Variants in CEACAM18 observed in about 807,000 individuals in gnomAD.
CEACAM18 encodes the protein CEA cell adhesion molecule 18.
A neutral mutation model predicts 34.3 loss-of-function variants in CEACAM18; 33 were observed. The observed-to-expected ratio is 0.96, with a 90% CI of 0.73 to 1.29. The LOEUF (loss-of-function observed/expected upper bound fraction) is 1.29. CEACAM18 is among the 50% of genes most tolerant of loss of function. The pLI, the probability that CEACAM18 is intolerant of heterozygous loss-of-function variation, is 0.00. For synonymous variants in CEACAM18, 169 were observed against 180.9 expected (o/e 0.93, Z 0.53); for missense variants, 474 against 485.0 (o/e 0.98, Z 0.21).
At chr19:51,481,536 A>G in exon 3 of CEACAM18, 1 of 1,614,038 alleles carries the variant, frequency 6.2e-7, no homozygotes, top group Non-Finnish European at 8.5e-7. Context: ...TGACCGGATG[A>G]CAATTTCCCC....
At position 51,478,711 on chromosome 19, in the gene CEACAM18, G is replaced by A. The variant is rs75818312; in HGVS notation, c.52+17G>A. Reference sequence around the variant, plus strand: ...TCCTCATGGGTAAGAGATGCTGGATGCTGGATGAGCTTCCCAGGACTGAGG... The same window carrying A: ...TCCTCATGGGTAAGAGATGCTGGATACTGGATGAGCTTCCCAGGACTGAGG... On this transcript the variant is annotated intron_variant, in intron 1 of 5. Transcript: ENST00000396477. The A allele has an allele frequency of 0.078, 110,353 of 1,417,464 alleles. 4,775 individuals carry two copies. Among genetic ancestry groups the A allele is most frequent in the South Asian group, 0.12 (7,448 of 61,220 alleles). 87.8% of individuals were successfully genotyped at this position (1,417,464 alleles called of 1,614,324 possible). A position where few individuals can be genotyped will look rare whatever the true frequency, so the allele number is the denominator to read the frequency against.
At chr19:51,481,900 T>G (rs1989923243) in intron 3 of CEACAM18, among the ~76,000 whole-genome samples, 1 of 152,180 alleles carries the variant, frequency 6.6e-6, no homozygotes, top group East Asian at 1.9e-4. Context: ...CAGTCCCCAC[T>G]TCTCAGATTA....
chr19:51,481,487 CA>C lies in CEACAM18; in HGVS notation c.496del (p.Ile166SerfsTer5). The C allele has an allele frequency of 6.2e-7, 1 of 1,614,030 alleles. No homozygotes were observed. The highest frequency in any genetic ancestry group is 8.5e-7 in the Non-Finnish European group (1 of 1,179,886). On this transcript the variant is annotated frameshift_variant, in exon 3 of 6. Coordinates refer to ENST00000396477, the Ensembl canonical transcript of CEACAM18. LOFTEE classifies it high-confidence loss of function. ...CTGACTGCCTCACAAATGTCACCAACATCACGTGGTATGTGAATGATGTGCC... is the reference window on the plus strand; with the variant it reads ...CTGACTGCCTCACAAATGTCACCAACTCACGTGGTATGTGAATGATGTGCC...
intron 5 of CEACAM18, among the ~76,000 whole-genome samples, chr19:51,489,041 C>G (rs1434291461): frequency 6.6e-6 from 1 of 151,388 alleles, no homozygotes; most frequent in Non-Finnish European, 1.5e-5. Context: ...GATCCTGCTT[C>G]CACTCGAATT....
At chr19:51,482,191 C>T (rs570543323) in intron 3 of CEACAM18, among the ~76,000 whole-genome samples, 28 of 152,082 alleles carry the variant, frequency 1.8e-4, no homozygotes, top group African/African-American at 6.3e-4. Flanking sequence ...AGCCTTTTAG[C>T]TGCCTACCGG....
At chr19:51,487,536 G>A (rs1990026473) in intron 5 of CEACAM18, among the ~76,000 whole-genome samples, 1 of 151,934 alleles carries the variant, frequency 6.6e-6, no homozygotes, top group Non-Finnish European at 1.5e-5. Flanking sequence ...GAAGGCCAAG[G>A]CGGGCGGATC....
exon 3 of CEACAM18, chr19:51,481,616 T>C (rs1989917458): frequency 1.9e-6 from 3 of 1,613,772 alleles, no homozygotes; most frequent in Non-Finnish European, 1.7e-6. Context: ...TGATAGAGAG[T>C]TTCCCAGAGA....
exon 4 of CEACAM18, chr19:51,483,125 T>C (rs199687006): frequency 1.8e-4 from 286 of 1,613,940 alleles, no homozygotes; most frequent in Non-Finnish European, 2.3e-4. Context: ...TATTCCTTCC[T>C]GGATCTCAAG....
chr19:51,486,642 G>T (rs748359512), intron 5 of CEACAM18, among the ~76,000 whole-genome samples: 4 of 151,984 alleles, frequency 2.6e-5, no homozygotes, highest in Non-Finnish European at 5.9e-5. Context: ...TCTCACATAT[G>T]CCTAGGTGTC....
intron 3 of CEACAM18, 28 bp downstream of exon 3, chr19:51,481,693 A>ACTGAT (rs1353949800): frequency 6.3e-7 from 1 of 1,596,448 alleles, no homozygotes. Flanking sequence ...CTGGGACTGA[A>ACTGAT]GCCAGGGCTG....
At chr19:51,486,779 G>A (rs572118527) in intron 5 of CEACAM18, among the ~76,000 whole-genome samples, 33 of 147,578 alleles carry the variant, frequency 2.2e-4, no homozygotes, top group East Asian at 4.0e-4. Context: ...GTGCAGTGGC[G>A]CGATCTCAGC....
intron 5 of CEACAM18, among the ~76,000 whole-genome samples, chr19:51,487,934 T>C (rs1297991468): frequency 6.6e-6 from 1 of 152,218 alleles, no homozygotes; most frequent in Non-Finnish European, 1.5e-5. Context: ...CTCATGGCTA[T>C]GAGATTGGAC....
At chr19:51,482,114 G>A (rs1989927207) in intron 3 of CEACAM18, among the ~76,000 whole-genome samples, 1 of 152,050 alleles carries the variant, frequency 6.6e-6, no homozygotes, top group Admixed American at 6.6e-5. Context: ...AACAGGCTAT[G>A]CTCCCTTAAA....
intron 5 of CEACAM18, among the ~76,000 whole-genome samples, chr19:51,487,878 AATT>A (rs536169811): frequency 4.6e-5 from 7 of 152,246 alleles, no homozygotes; most frequent in Non-Finnish European, 1.0e-4. Context: ...GTTTAAAATG[AATT>A]AAAATTAAAT....
chr19:51,485,318 G>A (rs1902604), intron 5 of CEACAM18, among the ~76,000 whole-genome samples, 196 bp downstream of exon 5: 30,352 of 152,064 alleles, frequency 0.2, 3,162 homozygotes, highest in Middle Eastern at 0.36. Flanking sequence ...GTTTAGAGTC[G>A]GCCATGGTTC....
chr19:51,478,799 T>C, intron 1 of CEACAM18, 105 bp downstream of exon 1: 1 of 771,200 alleles, frequency 1.3e-6, no homozygotes, highest in Non-Finnish European at 1.8e-6. Context: ...CACGGGCACA[T>C]CAAGAAACTC....
At chr19:51,484,885 T>C (rs982795693) in intron 4 of CEACAM18, 102 bp from the exon 5 acceptor site, 1 of 1,403,018 alleles carries the variant, frequency 7.1e-7, no homozygotes, top group Non-Finnish European at 9.7e-7. Context: ...TAATAGATGT[T>C]GACAAATCTT....
At chr19:51,478,569 A>T, upstream of CEACAM18, 1 of 1,338,422 alleles carries the variant, frequency 7.5e-7, no homozygotes. Context: ...CAGGAGACAC[A>T]GGTCTTGGAG....
intron 5 of CEACAM18, among the ~76,000 whole-genome samples, chr19:51,486,746 C>T (rs1403442353): frequency 1.4e-5 from 2 of 140,136 alleles, no homozygotes; most frequent in Non-Finnish European, 3.1e-5. Flanking sequence ...TATATGGAGT[C>T]TCTCTCTGTT....
Sources: gnomAD v4.1 joint callset for allele counts (sites outside exome capture counted in the v4.1 genomes callset) on GRCh38, gnomAD v4.1.1 for gene constraint, MANE v1.5 for transcripts, NCBI Gene and HGNC (gene_info 2026-07-23, HGNC 2026-07-21) for gene names.